MGST1: variants seen among roughly 807,000 people sequenced by gnomAD.
The protein encoded by MGST1 is microsomal glutathione S-transferase 1.
Under a neutral mutation model 8.9 loss-of-function variants are expected in MGST1, and 5 were observed. The ratio of observed to expected loss-of-function variants is 0.56; its 90% confidence interval spans 0.29 to 1.19. The LOEUF is 1.19. MGST1 is among the 50% of genes most tolerant of loss of function. The pLI, the probability that MGST1 is intolerant of heterozygous loss-of-function variation, is 0.08. For synonymous variants in MGST1, 54 were observed against 67.8 expected (o/e 0.80, Z 1.00); for missense variants, 182 against 187.4 (o/e 0.97, Z 0.17).
At chr12:16,465,948 C>T (rs765779002) in intron 4 of MGST1, among the ~76,000 whole-genome samples, 11 of 152,092 alleles carry the variant, frequency 7.2e-5, no homozygotes, top group Non-Finnish European at 1.2e-4. Flanking sequence ...CCCTTTGGCC[C>T]TTTTTTCTTT....
At chr12:16,501,065 C>G (rs1403285247) in intron 4 of MGST1, among the ~76,000 whole-genome samples, 2 of 146,488 alleles carry the variant, frequency 1.4e-5, no homozygotes, top group East Asian at 4.0e-4. Context: ...GAGATGGTGG[C>G]CACTGCCAGC....
chr12:16,360,463 C>A (rs1037387541), intron 3 of MGST1: 37 of 679,128 alleles, frequency 5.4e-5, no homozygotes, highest in Non-Finnish European at 6.4e-5. Flanking sequence ...GTTGAAATAC[C>A]AAGATATGTG....
intron 2 of MGST1, among the ~76,000 whole-genome samples, chr12:16,356,068 T>C (rs772913667): frequency 1.4e-4 from 21 of 152,180 alleles, no homozygotes; most frequent in Non-Finnish European, 2.6e-4. Flanking sequence ...TCTCTTCTTA[T>C]AAAGACTTTA....
chr12:16,531,763 G>GT (rs1941725139), intron 4 of MGST1, among the ~76,000 whole-genome samples: 1 of 152,182 alleles, frequency 6.6e-6, no homozygotes, highest in African/African-American at 2.4e-5. Flanking sequence ...GGAATGCACA[G>GT]AGGCGCTTCT....
rs1421448343 is a variant in MGST1 at position 16,363,422 on chromosome 12, G to A, written c.222-373G>A. ...ACACCAAAAGGGTTTTCTTCCTTCG[G>A]GAGAAAGAATTTTTATAAAAAGAAT... On this transcript the variant is annotated intron_variant, in intron 3 of 3. Transcript: ENST00000396210. The surrounding 1 kb of genome is among the most constrained non-coding windows in gnomAD (Gnocchi z 4.6). The A allele has an allele frequency of 1.3e-5, 2 of 152,796 alleles. No individual in the cohort carries two copies. The highest frequency in any genetic ancestry group is 4.8e-5 in the African/African-American group (2 of 41,440). The allele number at this position is 152,796 out of a possible 1,614,324, so 9.5% of individuals were successfully genotyped here.
intron 1 of MGST1, among the ~76,000 whole-genome samples, chr12:16,425,865 A>G (rs1468442280): frequency 6.6e-6 from 1 of 152,220 alleles, no homozygotes; most frequent in Admixed American, 6.5e-5. Context: ...AGGTGTAAGC[A>G]CATTTTCAAA....
At position 16,559,798 on chromosome 12, in the gene MGST1, G is replaced by GAA. The variant is rs60838238; in HGVS notation, n.483-29717_483-29716dup. On this transcript the variant is annotated intron_variant and non_coding_transcript_variant, in intron 4 of 4. Transcript: ENST00000538857. This position sits in a 1 kb window ranked among gnomAD's most constrained non-coding sequence, Gnocchi z 4.1. Reference sequence around the variant, plus strand: ...AAACTCCATCATCTCTATAAAAAATGAAAAAAAAAAAAAATTAGCCAGGCA... The same window carrying GAA: ...AAACTCCATCATCTCTATAAAAAATGAAAAAAAAAAAAAAAATTAGCCAGGCA... 9.4e-5 allele frequency among the ~76,000 whole-genome samples: 13 copies of GAA among 138,308 alleles called. No homozygotes were observed. Among genetic ancestry groups the GAA allele is most frequent in the African/African-American group, 3.5e-4 (13 of 36,948 alleles). 90.7% of individuals were successfully genotyped at this position (138,308 alleles called of 152,430 possible).
In MGST1 at chr12:16,364,002, C is replaced by T. The variant is rs959820685; in HGVS notation, c.429C>T (p.Ser143=). Residue 143 remains serine, a synonymous_variant, in exon 4 of 4, where the codon TCC becomes TCT. Coordinates refer to ENST00000396210, the MANE Select transcript of MGST1 (RefSeq NM_020300.5). This position sits in a 1 kb window ranked among gnomAD's most constrained non-coding sequence, Gnocchi z 5.7. ...TTGTTGGATATGGAGTTACTCTTTC[C>T]ATGGCTTACAGGTTGCTGAAAAGTA... ...SFFVGYGVTL[S]MAYRLLKSKL... The T allele has an allele frequency of 6.8e-6, 11 of 1,613,520 alleles. No individual in the cohort carries two copies. The highest frequency in any genetic ancestry group is 8.5e-6 in the Non-Finnish European group (10 of 1,179,632).
intron 4 of MGST1, among the ~76,000 whole-genome samples, chr12:16,455,637 A>G (rs1429583938): frequency 1.3e-5 from 2 of 151,926 alleles, no homozygotes; most frequent in Non-Finnish European, 2.9e-5. Context: ...AGTGAAAAAT[A>G]ATCTATGCCT....
intron 4 of MGST1, among the ~76,000 whole-genome samples, chr12:16,566,466 C>T (rs369401795): frequency 6.6e-6 from 1 of 151,798 alleles, no homozygotes; most frequent in Admixed American, 6.6e-5. Context: ...TTGAACTACC[C>T]TAATTAGATC....
downstream of MGST1, among the ~76,000 whole-genome samples, chr12:16,380,736 A>G (rs1940445084): frequency 1.3e-5 from 2 of 152,160 alleles, no homozygotes; most frequent in Admixed American, 1.3e-4. Context: ...TAATGTTGAC[A>G]GTAGGGTGTT....
chr12:16,514,196 G>A (rs11056969), intron 4 of MGST1: 4,592 of 310,784 alleles, frequency 0.015, 226 homozygotes, highest in East Asian at 0.14. Flanking sequence ...CGCCATTGTC[G>A]CTGCCAATCA....
intron 4 of MGST1, among the ~76,000 whole-genome samples, chr12:16,496,610 T>G (rs981929445): frequency 6.6e-6 from 1 of 152,082 alleles, no homozygotes; most frequent in Non-Finnish European, 1.5e-5. Context: ...TAGTTAGTGT[T>G]TCAACCCTGG....
intron 4 of MGST1, among the ~76,000 whole-genome samples, chr12:16,520,518 G>A (rs928417878): frequency 6.6e-6 from 1 of 152,090 alleles, no homozygotes; most frequent in Non-Finnish European, 1.5e-5. Flanking sequence ...GTTGGGAGGC[G>A]GCTATGACTG....
chr12:16,452,054 T>C (rs913004560), intron 4 of MGST1, among the ~76,000 whole-genome samples: 1 of 151,830 alleles, frequency 6.6e-6, no homozygotes, highest in Admixed American at 6.6e-5. Context: ...TATAAAGCAA[T>C]GGTATACTTT....
intron 4 of MGST1, among the ~76,000 whole-genome samples, chr12:16,487,852 A>C (rs1941409938): frequency 6.6e-6 from 1 of 152,042 alleles, no homozygotes; most frequent in Non-Finnish European, 1.5e-5. Flanking sequence ...ATGGGGTCTC[A>C]CTATGTTGCC....
chr12:16,349,806 A>G (rs555962142), intron 1 of MGST1, among the ~76,000 whole-genome samples: 6 of 142,638 alleles, frequency 4.2e-5, no homozygotes, highest in East Asian at 4.2e-4. Context: ...GTGCAGTGGC[A>G]CGATCTCAGC....
At chr12:16,414,004 T>G (rs186376476) in intron 1 of MGST1, among the ~76,000 whole-genome samples, 14 of 152,222 alleles carry the variant, frequency 9.2e-5, no homozygotes, top group Middle Eastern at 3.4e-3. Context: ...AACTGTAGAA[T>G]CAACAACTAA....
Position 16,401,580 on chromosome 12 carries a change from G to A in MGST1, n.778+17976G>A, listed in dbSNP as rs1008484611. On this transcript the variant is annotated intron_variant and non_coding_transcript_variant, in intron 1 of 1. Transcript: ENST00000359720. The surrounding 1 kb of genome is among the most constrained non-coding windows in gnomAD (Gnocchi z 4.3). ...AAGTGCGAACAGGTTGGAGCAATAAGACTCGAAGCGAATACCCATGGCACA... is the reference window on the plus strand; with the variant it reads ...AAGTGCGAACAGGTTGGAGCAATAAAACTCGAAGCGAATACCCATGGCACA... The A allele has an allele frequency of 9.6e-6, 13 of 1,348,566 alleles. No individual in the cohort carries two copies. Among genetic ancestry groups the A allele is most frequent in the Non-Finnish European group, 9.6e-6 (9 of 939,036 alleles). The allele number at this position is 1,348,566 out of a possible 1,614,324, so 83.5% of individuals were successfully genotyped here.
Sources: allele counts gnomAD v4.1 joint callset (sites outside exome capture counted in the v4.1 genomes callset), GRCh38; gene constraint gnomAD v4.1.1; non-coding constraint Gnocchi (gnomAD v3.1); transcripts MANE v1.5; gene names NCBI Gene and HGNC (gene_info 2026-07-23, HGNC 2026-07-21).